OXR1: variants seen among roughly 807,000 people sequenced by gnomAD.
OXR1 encodes oxidation resistance protein 1.
In OXR1, 41 loss-of-function variants were observed where a neutral mutation model predicts 104.6. The observed-to-expected ratio is 0.39, with a 90% CI of 0.31 to 0.51. The LOEUF is 0.51. Among genes scored for constraint, OXR1 ranks in the 20% least tolerant of loss-of-function variants. OXR1 has a pLI of 0.77. For synonymous variants in OXR1, 348 were observed against 348.4 expected (o/e 1.00, Z 0.01); for missense variants, 955 against 1,031.9 (o/e 0.93, Z 1.02).
intron 2 of OXR1, among the ~76,000 whole-genome samples, chr8:106,510,607 C>T (rs1812459579): frequency 6.6e-6 from 1 of 152,168 alleles, no homozygotes; most frequent in Non-Finnish European, 1.5e-5. Context: ...AGCAGTGAAT[C>T]TATGTATGCT....
At chr8:106,368,339 A>C (rs1816564800) in intron 2 of OXR1, among the ~76,000 whole-genome samples, 1 of 152,178 alleles carries the variant, frequency 6.6e-6, no homozygotes, top group Non-Finnish European at 1.5e-5. Context: ...ATTTTAAGAG[A>C]TTCAACAAAT....
chr8:106,421,125 T>G (rs1315688820), intron 2 of OXR1, among the ~76,000 whole-genome samples: 1 of 152,076 alleles, frequency 6.6e-6, no homozygotes, highest in East Asian at 1.9e-4. Context: ...AAGCAGAAAT[T>G]TTAACATATT....
At chr8:106,325,168 C>G (rs951467206) in intron 1 of OXR1, among the ~76,000 whole-genome samples, 5 of 152,142 alleles carry the variant, frequency 3.3e-5, no homozygotes, top group African/African-American at 1.2e-4. Context: ...ATCTTTCTCC[C>G]CCAATAGAAC....
At chr8:106,645,054 G>A (rs530892573) in intron 3 of OXR1, among the ~76,000 whole-genome samples, 5 of 151,972 alleles carry the variant, frequency 3.3e-5, no homozygotes, top group Non-Finnish European at 5.9e-5. Flanking sequence ...GTTGGAGATC[G>A]ATTAAAGAGG....
intron 2 of OXR1, among the ~76,000 whole-genome samples, chr8:106,508,895 A>G (rs1230064349): frequency 1.3e-5 from 2 of 152,230 alleles, no homozygotes; most frequent in African/African-American, 4.8e-5. Flanking sequence ...TGCAGAAGCT[A>G]TCTTGATTAA....
At position 106,734,241 on chromosome 8, in the gene OXR1, T is replaced by C. The variant is rs114869975; in HGVS notation, c.1957-3279T>C. The stretch of plus-strand genomic sequence containing the variant: ...GGGCAAAATGGGGCAAAGTTTAACA[T>C]AATTCAGGTCTTATTTTGTAATAAA... On this transcript the variant is annotated intron_variant, in intron 11 of 16. Transcript: ENST00000517566. 1.8e-3 allele frequency among the ~76,000 whole-genome samples: 272 copies of C among 152,306 alleles called. 2 individuals are homozygous for C. The highest frequency in any genetic ancestry group is 6.2e-3 in the African/African-American group (258 of 41,582).
intron 3 of OXR1, among the ~76,000 whole-genome samples, chr8:106,648,269 A>C (rs1406934430): frequency 6.6e-6 from 1 of 152,206 alleles, no homozygotes; most frequent in Non-Finnish European, 1.5e-5. Context: ...GGCAGGAATA[A>C]AAAGATTGAG....
At chr8:106,271,617 A>G (rs939204764) in intron 1 of OXR1, 1 of 152,400 alleles carries the variant, frequency 6.6e-6, no homozygotes, top group East Asian at 1.9e-4. Context: ...TGTCTCCGTG[A>G]CAAGAAGATC....
chr8:106,582,422 A>G (rs1563621516), intron 3 of OXR1, among the ~76,000 whole-genome samples: 1 of 151,862 alleles, frequency 6.6e-6, no homozygotes. Flanking sequence ...TTTTCTTCCC[A>G]TATTCTCTAT....
chr8:106,535,615 C>T (rs1168141763), intron 3 of OXR1, among the ~76,000 whole-genome samples: 1 of 152,118 alleles, frequency 6.6e-6, no homozygotes, highest in Non-Finnish European at 1.5e-5. Context: ...GCTCAGAAAG[C>T]CTGACCCTGT....
intron 2 of OXR1, among the ~76,000 whole-genome samples, chr8:106,458,764 T>G (rs1820746547): frequency 1.3e-5 from 2 of 152,088 alleles, no homozygotes; most frequent in Non-Finnish European, 2.9e-5. Flanking sequence ...ATTCTGGAAC[T>G]ATGAGGCAAT....
At chr8:106,644,750 T>C (rs1823934184) in intron 3 of OXR1, among the ~76,000 whole-genome samples, 1 of 152,162 alleles carries the variant, frequency 6.6e-6, no homozygotes, top group Non-Finnish European at 1.5e-5. Flanking sequence ...TGGACCTTTT[T>C]CGGAAGTCAT....
intron 3 of OXR1, among the ~76,000 whole-genome samples, chr8:106,526,408 T>C (rs1372240797): frequency 6.6e-6 from 1 of 152,218 alleles, no homozygotes; most frequent in Non-Finnish European, 1.5e-5. Context: ...TTCCCCACAT[T>C]GTTTTCAAGA....
chr8:106,503,679 G>T (rs1371549707), intron 2 of OXR1, among the ~76,000 whole-genome samples: 1 of 152,192 alleles, frequency 6.6e-6, no homozygotes, highest in Admixed American at 6.5e-5. Flanking sequence ...CTGACAAGGG[G>T]ATGTAAAGAG....
At chr8:106,431,254 G>C (rs984674093) in intron 2 of OXR1, among the ~76,000 whole-genome samples, 2 of 152,118 alleles carry the variant, frequency 1.3e-5, no homozygotes, top group African/African-American at 4.8e-5. Flanking sequence ...AAAAATTCAT[G>C]AGATTTAATG....
At chr8:106,303,879 G>T (rs1361237860) in intron 1 of OXR1, among the ~76,000 whole-genome samples, 2 of 152,092 alleles carry the variant, frequency 1.3e-5, no homozygotes, top group East Asian at 3.9e-4. Context: ...TTTCGCTTAA[G>T]ACAAAAGACA....
intron 2 of OXR1, among the ~76,000 whole-genome samples, chr8:106,390,457 C>T (rs1434626181): frequency 6.6e-6 from 1 of 152,138 alleles, no homozygotes; most frequent in Non-Finnish European, 1.5e-5. Flanking sequence ...TTCCTCATAA[C>T]ACCGTTAAGA....
At chr8:106,455,630 A>G (rs1285613440) in intron 2 of OXR1, among the ~76,000 whole-genome samples, 4 of 151,972 alleles carry the variant, frequency 2.6e-5, no homozygotes, top group Non-Finnish European at 5.9e-5. Flanking sequence ...ACAGGTGATG[A>G]CCCCCTAGAG....
chr8:106,706,593 C>T lies in OXR1; in HGVS notation c.1072C>T (p.Arg358Ter). 6.2e-7 allele frequency: 1 copy of T among 1,612,656 alleles called. No individual in the cohort carries two copies. Among genetic ancestry groups the T allele is most frequent in the Non-Finnish European group, 8.5e-7 (1 of 1,179,642 alleles). ...GGAGCTTGTATCTTCAGATGAACTG[C>T]GACAAGATAAATCTTCTGGTGCGTC... Reference protein sequence around the residue: ...REELVSSDELRQDKSSGASSE... With the variant: ...REELVSSDEL The change falls in exon 9 of 17, where the codon CGA becomes TGA. Residue 358 changes from arginine to a stop codon, truncating the protein, a stop_gained. Transcript: ENST00000517566. LOFTEE classifies it high-confidence loss of function.
Sources: gnomAD v4.1 joint callset for allele counts (sites outside exome capture counted in the v4.1 genomes callset) on GRCh38, gnomAD v4.1.1 for gene constraint, MANE v1.5 for transcripts, NCBI Gene and HGNC (gene_info 2026-07-23, HGNC 2026-07-21) for gene names.